Variants in SORCS3 observed in about 807,000 individuals in gnomAD.
SORCS3 encodes the protein VPS10 domain-containing receptor SorCS3.
In SORCS3, 57 loss-of-function variants were observed where a neutral mutation model predicts 146.3. The ratio of observed to expected loss-of-function variants is 0.39; its 90% CI spans 0.31 to 0.49. The LOEUF is 0.49. Among genes scored for constraint, SORCS3 ranks in the 20% least tolerant of loss-of-function variants. The pLI is 0.92. For missense variants in SORCS3, 1,341 were observed against 1,575.5 expected (o/e 0.85, Z 2.52); for synonymous variants, 653 against 618.5 (o/e 1.06, Z -0.83).
At chr10:104,686,959 A>G (rs1295006401) in intron 1 of SORCS3, among the ~76,000 whole-genome samples, 1 of 151,914 alleles carries the variant, frequency 6.6e-6, no homozygotes, top group Non-Finnish European at 1.5e-5. Flanking sequence ...GTATCCATGC[A>G]TTCATCTTTC....
chr10:104,830,589 G>A (rs574603945), intron 1 of SORCS3, among the ~76,000 whole-genome samples: 1 of 152,068 alleles, frequency 6.6e-6, no homozygotes, highest in African/African-American at 2.4e-5. Context: ...TCCCTCCTCC[G>A]CCAGTCCCCA....
intron 1 of SORCS3, among the ~76,000 whole-genome samples, chr10:104,756,147 A>G (rs977406364): frequency 7.2e-5 from 11 of 152,172 alleles, no homozygotes; most frequent in African/African-American, 2.2e-4. Flanking sequence ...GCCTCGCAAC[A>G]CTATTATTAG....
At chr10:104,741,983 C>T (rs2016852905) in intron 1 of SORCS3, among the ~76,000 whole-genome samples, 1 of 151,708 alleles carries the variant, frequency 6.6e-6, no homozygotes, top group Non-Finnish European at 1.5e-5. Flanking sequence ...TGGGATTTTC[C>T]TTGTTCTTGG....
chr10:104,801,290 G>A (rs568272322), intron 1 of SORCS3, among the ~76,000 whole-genome samples: 2 of 152,324 alleles, frequency 1.3e-5, no homozygotes, highest in South Asian at 4.1e-4. Flanking sequence ...TTAGTTTTCT[G>A]CTTTCTCTTT....
chr10:104,848,022 C>T (rs1873306), intron 2 of SORCS3, among the ~76,000 whole-genome samples: 127,926 of 152,104 alleles, frequency 0.84, 54,240 homozygotes, highest in East Asian at 0.98. Context: ...ACTGGTGATT[C>T]GTTCCTAGCC....
At chr10:105,035,321 A>G (rs1645082596) in intron 4 of SORCS3, among the ~76,000 whole-genome samples, 2 of 152,236 alleles carry the variant, frequency 1.3e-5, no homozygotes, top group Non-Finnish European at 2.9e-5. Context: ...TCAAGTCTCC[A>G]GATTCTCTGG....
intron 2 of SORCS3, among the ~76,000 whole-genome samples, chr10:104,870,122 A>T (rs1907038): frequency 1.4e-4 from 22 of 152,196 alleles, no homozygotes; most frequent in African/African-American, 5.3e-4. Context: ...CATATTATAA[A>T]TGTCAACAAT....
chr10:105,004,824 C>T (rs1432978719), intron 4 of SORCS3, among the ~76,000 whole-genome samples: 2 of 75,738 alleles, frequency 2.6e-5, no homozygotes, highest in East Asian at 3.3e-4. Context: ...AAGTGGGGGG[C>T]GGGGGGAGTG....
intron 1 of SORCS3, among the ~76,000 whole-genome samples, chr10:104,768,580 C>T (rs920647961): frequency 2.5e-4 from 38 of 152,092 alleles, no homozygotes; most frequent in African/African-American, 8.5e-4. Flanking sequence ...GTATCCATTA[C>T]CATCAAACAG....
intron 1 of SORCS3, among the ~76,000 whole-genome samples, chr10:104,761,070 T>A (rs748946401): frequency 2.0e-5 from 3 of 152,190 alleles, no homozygotes; most frequent in Non-Finnish European, 4.4e-5. Context: ...TCCTACCTCC[T>A]TGAATGATGC....
chr10:105,146,402 G>A (rs923624921), intron 8 of SORCS3, among the ~76,000 whole-genome samples: 24 of 151,880 alleles, frequency 1.6e-4, no homozygotes, highest in African/African-American at 5.6e-4. Flanking sequence ...GATCCAGTCC[G>A]GGATTAAAAC....
At chr10:104,842,929 T>C (rs1450230566) in intron 2 of SORCS3, 70 bp downstream of exon 2, 1 of 1,209,016 alleles carries the variant, frequency 8.3e-7, no homozygotes, top group African/African-American at 1.5e-5. Flanking sequence ...GCTAAGCAGT[T>C]GGGAAGTGTG....
chr10:104,841,684 T>G (rs1483112162), intron 1 of SORCS3, among the ~76,000 whole-genome samples: 1 of 152,152 alleles, frequency 6.6e-6, no homozygotes, highest in Non-Finnish European at 1.5e-5. Context: ...TAATCTTAAA[T>G]GGATACCTAG....
chr10:104,822,086 A>T, intron 1 of SORCS3: 1 of 518,310 alleles, frequency 1.9e-6, no homozygotes, highest in South Asian at 1.4e-5. Flanking sequence ...TTAGTCCTGG[A>T]GTCTGACCAG....
At chr10:105,162,005 CTGCCCCTGCAGGGGCAA>C (rs915291802) in intron 11 of SORCS3, among the ~76,000 whole-genome samples, 3 of 152,108 alleles carry the variant, frequency 2.0e-5, no homozygotes, top group African/African-American at 7.2e-5. Context: ...CCTCCCGCCC[CTGCCCCTGCAGGGGCAA>C]GTTGCTTGTA....
intron 1 of SORCS3, among the ~76,000 whole-genome samples, chr10:104,830,822 T>C (rs1055464987): frequency 6.6e-6 from 1 of 152,104 alleles, no homozygotes; most frequent in Non-Finnish European, 1.5e-5. Context: ...ACTTCTTTTT[T>C]TTCTTTTGAG....
At chr10:104,830,564 G>C (rs940437037) in intron 1 of SORCS3, among the ~76,000 whole-genome samples, 1 of 152,266 alleles carries the variant, frequency 6.6e-6, no homozygotes, top group South Asian at 2.1e-4. Flanking sequence ...CCAGATATGT[G>C]GAGAGGGCTG....
At chr10:104,825,795 A>T (rs2133532317) in intron 1 of SORCS3, among the ~76,000 whole-genome samples, 1 of 152,318 alleles carries the variant, frequency 6.6e-6, no homozygotes, top group African/African-American at 2.4e-5. Context: ...TCATTTTCAA[A>T]GTCCCTTAGG....
intron 3 of SORCS3, among the ~76,000 whole-genome samples, chr10:104,932,397 T>A (rs1354725538): frequency 6.6e-6 from 1 of 152,160 alleles, no homozygotes; most frequent in Non-Finnish European, 1.5e-5. Context: ...TATCAACCCC[T>A]GGAAGTGAGG....
Sources: allele counts gnomAD v4.1 joint callset (sites outside exome capture counted in the v4.1 genomes callset), GRCh38; gene constraint gnomAD v4.1.1; transcripts MANE v1.5; gene names NCBI Gene and HGNC (gene_info 2026-07-23, HGNC 2026-07-21).